The following UGT2B7 variants were observed in gnomAD, a reference collection of about 807,000 sequenced individuals.
The protein encoded by UGT2B7 is UDP-glucuronosyltransferase 2B7.
Under a neutral mutation model 51.9 loss-of-function variants are expected in UGT2B7, and 51 were observed. The observed-to-expected ratio is 0.98, with a 90% CI of 0.78 to 1.24. The LOEUF (loss-of-function observed/expected upper bound fraction) is 1.24, where lower values mean the gene tolerates loss of function less well. Among genes scored for constraint, UGT2B7 ranks in the 50% most tolerant of loss-of-function variants. The probability of loss-of-function intolerance (pLI) is 0.00; values close to 1 mark genes in which losing one functional copy is unlikely to be tolerated. For missense variants in UGT2B7, 727 were observed against 628.4 expected (o/e 1.16, Z -1.68); for synonymous variants, 225 against 211.6 (o/e 1.06, Z -0.55).
chr4:69,055,098 TAAAAAA>T (rs1178892377), intron 1 of UGT2B7, among the ~76,000 whole-genome samples: 22 of 22,562 alleles, frequency 9.8e-4, no homozygotes, highest in African/African-American at 3.6e-3. Flanking sequence ...AAGTAATAGC[TAAAAAA>T]AAAAAAAAAA....
chr4:69,064,255 G>C (rs1718440142), intron 1 of UGT2B7, among the ~76,000 whole-genome samples: 1 of 152,292 alleles, frequency 6.6e-6, no homozygotes, highest in East Asian at 1.9e-4. Flanking sequence ...AAAAAGCCAG[G>C]AGATGCACCA....
intron 1 of UGT2B7, among the ~76,000 whole-genome samples, chr4:69,058,727 A>C (rs1170728251): frequency 6.6e-6 from 1 of 152,176 alleles, no homozygotes. Flanking sequence ...CAGTTTATTG[A>C]AGTGGCCACA....
intron 1 of UGT2B7, among the ~76,000 whole-genome samples, chr4:69,073,650 A>C (rs1718644462): frequency 6.6e-6 from 1 of 152,176 alleles, no homozygotes; most frequent in Admixed American, 6.6e-5. Flanking sequence ...AATGAAATAC[A>C]CTTGAGACAA....
At chr4:69,055,906 C>T (rs1718180782) in intron 1 of UGT2B7, among the ~76,000 whole-genome samples, 1 of 152,208 alleles carries the variant, frequency 6.6e-6, no homozygotes, top group African/African-American at 2.4e-5. Context: ...AAAACAGTTA[C>T]ATGGTGGAGT....
At chr4:69,060,335 C>A (rs757671628) in intron 1 of UGT2B7, among the ~76,000 whole-genome samples, 7 of 152,180 alleles carry the variant, frequency 4.6e-5, no homozygotes, top group African/African-American at 1.4e-4. Context: ...CTACTCCAAC[C>A]ACCCGGTGAC....
chr4:69,107,460 T>C (rs1719637767), intron 4 of UGT2B7, among the ~76,000 whole-genome samples, 198 bp downstream of exon 4: 2 of 152,214 alleles, frequency 1.3e-5, no homozygotes, highest in Admixed American at 6.5e-5. Context: ...ACATTCTTTA[T>C]AGTCTGAATC....
rs550638265 is a variant in UGT2B7 at position 69,077,720 on chromosome 4, A to T, written c.-158-11752A>T. Reference sequence around the variant, plus strand: ...GTTTTTCTTAACATATAATCATGTCATCTGCAGAGACAATTTGACTTCCTC... The same window carrying T: ...GTTTTTCTTAACATATAATCATGTCTTCTGCAGAGACAATTTGACTTCCTC... On this transcript the variant is annotated intron_variant, in intron 1 of 5. Transcript: ENST00000502942. Among the ~76,000 whole-genome samples the T allele has an allele frequency of 5.3e-5, 8 of 152,172 alleles. No homozygotes were observed. The South Asian group carries it at 1.7e-3, about 32-fold the overall frequency.
intron 1 of UGT2B7, among the ~76,000 whole-genome samples, chr4:69,052,508 TAGAC>T (rs1381780924): frequency 9.7e-5 from 13 of 134,488 alleles, no homozygotes; most frequent in African/African-American, 3.4e-4. Context: ...CTTGTGGCCT[TAGAC>T]AGTCTAGTCC....
At chr4:69,105,681 A>G (rs1719573224) in intron 3 of UGT2B7, among the ~76,000 whole-genome samples, 1 of 152,220 alleles carries the variant, frequency 6.6e-6, no homozygotes, top group Non-Finnish European at 1.5e-5. Context: ...AAAATTAGAA[A>G]TACTGATAAT....
chr4:69,086,691 C>A (rs897694421), intron 1 of UGT2B7, among the ~76,000 whole-genome samples: 10 of 151,842 alleles, frequency 6.6e-5, no homozygotes, highest in African/African-American at 2.4e-4. Flanking sequence ...CAATTTTATT[C>A]TGTTGCTCTA....
rs1394221962 is a variant in UGT2B7 at position 69,063,314 on chromosome 4, G to A, written c.-159+11712G>A. Among the ~76,000 whole-genome samples, 183 of 28,534 alleles carry A rather than the reference G, an allele frequency of 6.4e-3. 2 individuals carry two copies. The highest frequency in any genetic ancestry group is 0.064 in the African/African-American group (175 of 2,734). The allele number at this position is 28,534 out of a possible 152,430, so 18.7% of individuals were successfully genotyped here. On this transcript the variant is annotated intron_variant, in intron 1 of 5. Transcript: ENST00000502942. The stretch of plus-strand genomic sequence containing the variant: ...AGCCTGGGCGACAGAGCGAGACTCC[G>A]TCTCAAAAAAAAAAAAAAAAAAAAA...
At chr4:69,061,277 G>A (rs1560498687) in intron 1 of UGT2B7, among the ~76,000 whole-genome samples, 1 of 152,186 alleles carries the variant, frequency 6.6e-6, no homozygotes, top group Non-Finnish European at 1.5e-5. Flanking sequence ...TTAACTCCTG[G>A]AGGTAAAGAA....
intron 1 of UGT2B7, among the ~76,000 whole-genome samples, chr4:69,052,528 C>A (rs1577902305): frequency 4.7e-5 from 1 of 21,422 alleles, no homozygotes; most frequent in Non-Finnish European, 7.9e-5. Flanking sequence ...AGTCCAAAGA[C>A]ATCAAAAAAG....
At chr4:69,098,970 C>T (rs1176371589) in intron 2 of UGT2B7, among the ~76,000 whole-genome samples, 1 of 151,750 alleles carries the variant, frequency 6.6e-6, no homozygotes, top group South Asian at 2.1e-4. Flanking sequence ...ATTGGTCATC[C>T]AATCAAATAA....
chr4:69,070,964 G>T (rs990189349), intron 1 of UGT2B7, among the ~76,000 whole-genome samples: 4 of 152,042 alleles, frequency 2.6e-5, no homozygotes, highest in Non-Finnish European at 5.9e-5. Flanking sequence ...AGTCTAGATG[G>T]TCATAACTGG....
chr4:69,064,104 A>AGAGAGAGAGAGAG (rs1560499781), intron 1 of UGT2B7, among the ~76,000 whole-genome samples: 3 of 110,630 alleles, frequency 2.7e-5, no homozygotes, highest in South Asian at 2.9e-4. Flanking sequence ...AAGAGAAAGA[A>AGAGAGAGAGAGAG]AGAAAGAAAA....
intron 1 of UGT2B7, among the ~76,000 whole-genome samples, chr4:69,072,048 A>G (rs2109868880): frequency 6.6e-6 from 1 of 152,238 alleles, no homozygotes; most frequent in South Asian, 2.1e-4. Flanking sequence ...GCTATCAAAG[A>G]ATACTTTCAT....
intron 1 of UGT2B7, among the ~76,000 whole-genome samples, chr4:69,068,603 A>G (rs942963215): frequency 2.0e-5 from 3 of 152,026 alleles, no homozygotes; most frequent in African/African-American, 4.8e-5. Context: ...TAGTTGATAC[A>G]TATTGAATGT....
At chr4:69,062,451 A>AAAC (rs1718368906) in intron 1 of UGT2B7, among the ~76,000 whole-genome samples, 1 of 152,160 alleles carries the variant, frequency 6.6e-6, no homozygotes, top group African/African-American at 2.4e-5. Context: ...AAACCTGAAG[A>AAAC]CTTTGTTTAG....
Sources: gnomAD v4.1 joint callset for allele counts (sites outside exome capture counted in the v4.1 genomes callset) on GRCh38, gnomAD v4.1.1 for gene constraint, MANE v1.5 for transcripts, NCBI Gene and HGNC (gene_info 2026-07-23, HGNC 2026-07-21) for gene names.